Variants in CERS5 observed in about 807,000 individuals in gnomAD.
CERS5 encodes the protein LAG1 homolog, ceramide synthase 5.
In CERS5, 37 loss-of-function variants were observed where a neutral mutation model predicts 58.9. That is an observed-to-expected ratio of 0.63 (90% CI 0.48 to 0.83). The LOEUF (loss-of-function observed/expected upper bound fraction) is 0.83, where lower values mean the gene tolerates loss of function less well. Among genes scored for constraint, CERS5 ranks in the 40% least tolerant of loss-of-function variants. The probability of loss-of-function intolerance (pLI) is 0.00; values close to 1 mark genes in which losing one functional copy is unlikely to be tolerated. For synonymous variants in CERS5, 147 were observed against 177.8 expected (o/e 0.83, Z 1.38); for missense variants, 398 against 489.3 (o/e 0.81, Z 1.76).
chr12:50,158,038 G>C (rs1273691028), intron 1 of CERS5, among the ~76,000 whole-genome samples: 2 of 138,404 alleles, frequency 1.4e-5, no homozygotes, highest in East Asian at 4.5e-4. Flanking sequence ...CTCCAACTTA[G>C]GTGACAGAGT....
chr12:50,145,321 A>G (rs890915885), intron 1 of CERS5, among the ~76,000 whole-genome samples: 1 of 151,772 alleles, frequency 6.6e-6, no homozygotes, highest in Non-Finnish European at 1.5e-5. Flanking sequence ...GAAAGATCTC[A>G]CTCTCCCCCG....
chr12:50,134,939 A>G, intron 8 of CERS5: 2 of 529,012 alleles, frequency 3.8e-6, no homozygotes, highest in Non-Finnish European at 3.3e-6. Context: ...ATTAAGTCAC[A>G]TTATTAATCA....
chr12:50,149,940 AC>A (rs950949630), intron 1 of CERS5, among the ~76,000 whole-genome samples: 7 of 152,064 alleles, frequency 4.6e-5, no homozygotes, highest in Admixed American at 1.3e-4. Context: ...ACGGGGTTTC[AC>A]CACATTGGCC....
intron 2 of CERS5, 76 bp downstream of exon 2, chr12:50,143,876 C>T (rs1391972349): frequency 4.1e-5 from 35 of 862,410 alleles, no homozygotes; most frequent in East Asian, 3.4e-4. Flanking sequence ...CTTAGAGGTA[C>T]GTGCTCTCTA....
At chr12:50,157,539 C>A (rs139081754) in intron 1 of CERS5, among the ~76,000 whole-genome samples, 73 of 151,898 alleles carry the variant, frequency 4.8e-4, no homozygotes, top group African/African-American at 1.7e-3. Context: ...ATAAACAGAG[C>A]CCAATCTGAA....
intron 1 of CERS5, among the ~76,000 whole-genome samples, chr12:50,148,921 AAAAAAAAT>A (rs1255597301): frequency 1.3e-3 from 106 of 78,948 alleles, no homozygotes; most frequent in Middle Eastern, 7.8e-3. Context: ...AAAAAAAAAA[AAAAAAAAT>A]ATATATATAT....
chr12:50,136,911 T>C (rs1271682275), intron 6 of CERS5, among the ~76,000 whole-genome samples: 2 of 152,202 alleles, frequency 1.3e-5, no homozygotes, highest in East Asian at 1.9e-4. Flanking sequence ...CTTTCTTATA[T>C]GTATCACAAT....
Position 50,167,091 on chromosome 12 carries a change from G to A in CERS5, c.197+10C>T. ...CCCGGCCCCCGAGCCGCTCGCTCCC[G>A]GGCTCTCACCGCTCGAAGAGCAGCC... On this transcript the variant is annotated intron_variant, in intron 1 of 9. Transcript: ENST00000317551. 6.6e-7 allele frequency: 1 copy of A among 1,524,428 alleles called. No individual in the cohort carries two copies. Among genetic ancestry groups the A allele is most frequent in the South Asian group, 1.2e-5 (1 of 83,664 alleles). 94.4% of individuals were successfully genotyped at this position (1,524,428 alleles called of 1,614,324 possible).
chr12:50,147,643 T>C (rs1425476418), intron 1 of CERS5, among the ~76,000 whole-genome samples: 1 of 152,188 alleles, frequency 6.6e-6, no homozygotes, highest in East Asian at 1.9e-4. Context: ...TTACATGACA[T>C]ATAACAACAG....
chr12:50,132,182 C>T (rs1709663018), intron 9 of CERS5, among the ~76,000 whole-genome samples: 2 of 151,558 alleles, frequency 1.3e-5, no homozygotes, highest in African/African-American at 4.9e-5. Flanking sequence ...GGCGCATCAC[C>T]TGAGGTCGGG....
chr12:50,133,875 C>A (rs1467096474), intron 9 of CERS5: 5 of 452,932 alleles, frequency 1.1e-5, no homozygotes, highest in Non-Finnish European at 1.5e-5. Context: ...AGTTAGAGAC[C>A]AGCCTGGCCA....
At chr12:50,155,375 C>T (rs1592419153) in intron 1 of CERS5, among the ~76,000 whole-genome samples, 1 of 151,772 alleles carries the variant, frequency 6.6e-6, no homozygotes, top group East Asian at 1.9e-4. Flanking sequence ...ATACCTATAC[C>T]ACCAAACCCA....
Position 50,167,293 on chromosome 12 carries a change from G to T in CERS5, c.5C>A (p.Ala2Glu), listed in dbSNP as rs750052836. The T allele has an allele frequency of 6.6e-7, 1 of 1,508,050 alleles. No individual in the cohort carries two copies. Among genetic ancestry groups the T allele is most frequent in the South Asian group, 1.3e-5 (1 of 79,706 alleles). The allele number at this position is 1,508,050 out of a possible 1,614,324, so 93.4% of individuals were successfully genotyped here. The change falls in exon 1 of 10, where the codon GCG (alanine) becomes GAG (glutamate). Residue 2 changes from alanine (A) to glutamate (E), a missense_variant. Ala to Glu is a moderately radical substitution (Grantham distance 107). Around this residue, in one of 3 missense-constraint regions of CERS5, gnomAD observed 328 missense variants for 384.5 expected, o/e 0.85. Coordinates refer to ENST00000317551, the MANE Select transcript of CERS5 (RefSeq NM_147190.5). MATAAQGPLSLL... is the reference protein window; with the variant it reads METAAQGPLSLL... ...GCTTAGGGGTCCCTGCGCTGCTGTC[G>T]CCATCTTACGCCCACCCCGAAGCCA...
At chr12:50,159,315 T>G (rs975508064) in intron 1 of CERS5, among the ~76,000 whole-genome samples, 4 of 152,098 alleles carry the variant, frequency 2.6e-5, no homozygotes, top group African/African-American at 7.2e-5. Context: ...AGGGCGAGAC[T>G]CTGTCTCAAA....
intron 6 of CERS5, among the ~76,000 whole-genome samples, chr12:50,136,783 C>G (rs1336633996): frequency 6.6e-6 from 1 of 152,136 alleles, no homozygotes; most frequent in Non-Finnish European, 1.5e-5. Flanking sequence ...CTCTAATTTC[C>G]TCTTGGGTTC....
intron 2 of CERS5, chr12:50,143,669 A>G: frequency 2.9e-6 from 1 of 348,696 alleles, no homozygotes; most frequent in Admixed American, 4.1e-5. Flanking sequence ...AACTGGAACA[A>G]GGAAAAACAA....
chr12:50,135,923 G>T lies in CERS5; in HGVS notation c.765+18C>A. 6.4e-7 allele frequency: 1 copy of T among 1,560,082 alleles called. No individual in the cohort carries two copies. Among genetic ancestry groups the T allele is most frequent in the Non-Finnish European group, 8.6e-7 (1 of 1,157,660 alleles). On this transcript the variant is annotated intron_variant, in intron 7 of 9. Coordinates refer to ENST00000317551, the MANE Select transcript of CERS5 (RefSeq NM_147190.5). ...AGAAGAGAAGAAGAAGATGGAGAAA[G>T]AGAGATTGGGTTTTTACCTCCAGCA...
Position 50,138,602 on chromosome 12 carries a change from C to T in CERS5, c.508G>A (p.Asp170Asn), listed in dbSNP as rs757832992. ...RFLWSSPWFW[D>N]IRQCWHNYPF... ...TAGTTATGCCAGCACTGTCGGATGT[C>T]CCAGAACCAAGGTGACTAAGAGAAA... The change falls in exon 5 of 10, where the codon GAC becomes AAC. Residue 170 changes from aspartate to asparagine, a missense_variant. By Grantham distance (23) the Asp-to-Asn change is conservative (BLOSUM62 1). This residue lies in a region of CERS5 where 328 missense variants were observed against 384.5 expected (regional missense o/e 0.85). Coordinates refer to ENST00000317551, the MANE Select transcript of CERS5 (RefSeq NM_147190.5). 4.3e-6 allele frequency: 7 copies of T among 1,613,600 alleles called. No individual in the cohort carries two copies. In the East Asian group the frequency reaches 1.6e-4, roughly 36 times the overall value.
At position 50,135,443 on chromosome 12, in the gene CERS5, A is replaced by G. The variant is rs1450400768; in HGVS notation, c.872+289T>C. On this transcript the variant is annotated intron_variant, in intron 8 of 9. Coordinates refer to ENST00000317551, the MANE Select transcript of CERS5 (RefSeq NM_147190.5). ...AGTCAAAGGAATTACTTAGGCATAA[A>G]ATGAGGACTGTTCCTCAGAGATGAG... is the stretch of plus-strand genomic sequence containing the variant. The G allele has an allele frequency of 7.9e-6, 5 of 631,638 alleles. No homozygotes were observed. In the East Asian group the frequency reaches 1.6e-4, roughly 20 times the overall value. 39.1% of individuals were successfully genotyped at this position (631,638 alleles called of 1,614,324 possible). A position where few individuals can be genotyped will look rare whatever the true frequency, so the allele number is the denominator to read the frequency against.
Sources: allele counts gnomAD v4.1 joint callset (sites outside exome capture counted in the v4.1 genomes callset), GRCh38; gene constraint gnomAD v4.1.1; regional missense constraint gnomAD v4.1.1; transcripts MANE v1.5; gene names NCBI Gene and HGNC (gene_info 2026-07-23, HGNC 2026-07-21).